The following GLIS3 variants were observed in gnomAD, a reference collection of about 807,000 sequenced individuals.
The protein encoded by GLIS3 is GLIS family zinc finger 3, also known as zinc finger protein GLIS3.
GLIS3 carries 53 observed loss-of-function variants against 78.6 expected under a neutral mutation model. The ratio of observed to expected loss-of-function variants is 0.67; its 90% CI spans 0.54 to 0.85. GLIS3 has a LOEUF of 0.85. Ranked by LOEUF, GLIS3 falls within the 40% of genes least tolerant of loss-of-function variation. The probability of loss-of-function intolerance (pLI) is 0.00; values close to 1 mark genes in which losing one functional copy is unlikely to be tolerated. For synonymous variants in GLIS3, 684 were observed against 509.9 expected, an observed-to-expected ratio of 1.34 and a Z score of -4.60; for missense variants, 1,703 against 1,231.1, an observed-to-expected ratio of 1.38 and a Z score of -5.74.
chr9:4,354,984 C>T, the GLIS3 span, among the ~76,000 whole-genome samples: 6 of 151,868 alleles, frequency 4.0e-5, no homozygotes, highest in South Asian at 6.2e-4. Context: ...GGCGTGGTGG[C>T]GGGTGCCTGT....
chr9:3,968,537 G>A (rs941652586), intron 4 of GLIS3, among the ~76,000 whole-genome samples: 7 of 152,160 alleles, frequency 4.6e-5, no homozygotes, highest in Non-Finnish European at 7.4e-5. Flanking sequence ...AAAAATGTTT[G>A]ATTAAATTAT....
the GLIS3 span, among the ~76,000 whole-genome samples, chr9:4,360,358 C>A: frequency 6.6e-6 from 1 of 152,140 alleles, no homozygotes; most frequent in Non-Finnish European, 1.5e-5. Flanking sequence ...CTGAAACCCT[C>A]CCAGCCAAAG....
chr9:4,382,770 G>A, the GLIS3 span, among the ~76,000 whole-genome samples: 1 of 152,104 alleles, frequency 6.6e-6, no homozygotes, highest in Non-Finnish European at 1.5e-5. Context: ...TTCAAGATCA[G>A]GGCCTTTCCA....
chr9:3,859,348 GAAACACACACACACACACACACACACAC>G, intron 8 of GLIS3, among the ~76,000 whole-genome samples: 1 of 129,174 alleles, frequency 7.7e-6, no homozygotes, highest in South Asian at 2.5e-4. Context: ...CTGTTTCTTC[GAAACACACACACACACACACACACACAC>G]ACACACACAC....
the GLIS3 span, among the ~76,000 whole-genome samples, chr9:4,465,961 A>T: frequency 6.6e-6 from 1 of 152,230 alleles, no homozygotes; most frequent in South Asian, 2.1e-4. Context: ...AGACTACTTT[A>T]AAAATGTGGC....
Position 4,236,204 on chromosome 9 carries a change from A to AAAAAAAAAAAAAAAAAG in GLIS3, c.388+49833_388+49834insCTTTTTTTTTTTTTTTT, listed in dbSNP as rs536737911. Among the ~76,000 whole-genome samples the AAAAAAAAAAAAAAAAAG allele has an allele frequency of 2.4e-4, 21 of 86,388 alleles. 1 individual carries two copies. The highest frequency in any genetic ancestry group is 5.2e-4 in the African/African-American group (12 of 23,166). 56.7% of individuals were successfully genotyped at this position (86,388 alleles called of 152,430 possible). ...TGTCACAAAAAAAAAAAAAAAAAAA[A>AAAAAAAAAAAAAAAAAG]AAAGAAAGAAAGAAAGAAAGGAAAA... On this transcript the variant is annotated intron_variant, in intron 2 of 10. Coordinates refer to ENST00000381971, the MANE Select transcript of GLIS3 (RefSeq NM_001042413.2).
the GLIS3 span, among the ~76,000 whole-genome samples, chr9:4,479,820 A>G: frequency 2.0e-5 from 3 of 151,694 alleles, no homozygotes; most frequent in Non-Finnish European, 4.4e-5. Context: ...TGAAGCTTAG[A>G]GAGAGAAAAC....
chr9:4,435,173 C>A, the GLIS3 span, among the ~76,000 whole-genome samples: 1 of 152,222 alleles, frequency 6.6e-6, no homozygotes, highest in Non-Finnish European at 1.5e-5. Context: ...TTCTTCCTCT[C>A]AATGACTGCA....
chr9:4,441,877 T>G, the GLIS3 span, among the ~76,000 whole-genome samples: 1 of 152,228 alleles, frequency 6.6e-6, no homozygotes, highest in Non-Finnish European at 1.5e-5. Context: ...AGTGCTGGCA[T>G]TACAGGCGTG....
chr9:4,372,503 C>T, the GLIS3 span, among the ~76,000 whole-genome samples: 1 of 148,710 alleles, frequency 6.7e-6, no homozygotes, highest in South Asian at 2.1e-4. Context: ...CCTCCTCTAT[C>T]TGGCTTTTAC....
chr9:4,109,714 T>C (rs1290661602), intron 4 of GLIS3, among the ~76,000 whole-genome samples: 3 of 152,214 alleles, frequency 2.0e-5, no homozygotes, highest in Non-Finnish European at 4.4e-5. Context: ...GATCCCTATT[T>C]GGTAGTGTAA....
the GLIS3 span, among the ~76,000 whole-genome samples, chr9:4,357,561 CTGTGTGTGTGTGTG>C: frequency 6.8e-6 from 1 of 147,664 alleles, no homozygotes; most frequent in Non-Finnish European, 1.5e-5. Context: ...GAACTAATTC[CTGTGTGTGTGTGTG>C]TGTGTGTGTG....
At chr9:3,876,930 T>C (rs1215334631) in intron 8 of GLIS3, among the ~76,000 whole-genome samples, 3 of 152,054 alleles carry the variant, frequency 2.0e-5, no homozygotes, top group African/African-American at 7.2e-5. Flanking sequence ...AGAACTGAGA[T>C]GCAAATTTCA....
At chr9:4,242,745 T>C (rs1823437092) in intron 2 of GLIS3, among the ~76,000 whole-genome samples, 2 of 152,170 alleles carry the variant, frequency 1.3e-5, no homozygotes, top group South Asian at 4.1e-4. Flanking sequence ...ACACCCCAGA[T>C]TCAGAAGATT....
chr9:4,265,739 A>T (rs554679944), intron 2 of GLIS3, among the ~76,000 whole-genome samples: 1 of 152,182 alleles, frequency 6.6e-6, no homozygotes, highest in Non-Finnish European at 1.5e-5. Flanking sequence ...TGAGGCATCA[A>T]ATGGAACTTC....
At chr9:4,236,313 T>C (rs949495284) in intron 2 of GLIS3, among the ~76,000 whole-genome samples, 1 of 152,016 alleles carries the variant, frequency 6.6e-6, no homozygotes, top group Non-Finnish European at 1.5e-5. Flanking sequence ...AACATGTTTG[T>C]GGTTTACATC....
At chr9:4,142,426 C>A (rs1480903882) in intron 2 of GLIS3, among the ~76,000 whole-genome samples, 1 of 152,124 alleles carries the variant, frequency 6.6e-6, no homozygotes, top group Admixed American at 6.6e-5. Flanking sequence ...TCCTAATTAT[C>A]AAAGAGTCAA....
chr9:4,188,837 G>A (rs1169776504), intron 2 of GLIS3, among the ~76,000 whole-genome samples: 1 of 152,146 alleles, frequency 6.6e-6, no homozygotes, highest in Non-Finnish European at 1.5e-5. Context: ...GGGATCGGTG[G>A]TGATATCTCC....
intron 4 of GLIS3, among the ~76,000 whole-genome samples, chr9:3,956,868 G>C (rs1817148857): frequency 6.6e-6 from 1 of 152,074 alleles, no homozygotes; most frequent in Non-Finnish European, 1.5e-5. Flanking sequence ...CCCCAAAAAG[G>C]GCAGGCTTCT....
Sources: gnomAD v4.1 joint callset for allele counts (sites outside exome capture counted in the v4.1 genomes callset) on GRCh38, gnomAD v4.1.1 for gene constraint, MANE v1.5 for transcripts, NCBI Gene and HGNC (gene_info 2026-07-23, HGNC 2026-07-21) for gene names.